Variants in HYCC1 observed in about 807,000 individuals in gnomAD.
HYCC1 encodes hyccin PI4KA lipid kinase complex subunit 1, also known as hyccin.
At chr7:22,950,386 C>T in the HYCC1 span, among the ~76,000 whole-genome samples, 1 of 151,960 alleles carries the variant, frequency 6.6e-6, no homozygotes, top group Non-Finnish European at 1.5e-5. Context: ...TTCATCTAGT[C>T]ACTACTATGT....
At chr7:22,898,367 C>T in the HYCC1 span, among the ~76,000 whole-genome samples, 1 of 151,920 alleles carries the variant, frequency 6.6e-6, no homozygotes, top group Non-Finnish European at 1.5e-5. Context: ...GCACACACCA[C>T]CACACCCAGC....
At chr7:22,934,195 CTCTT>C in the HYCC1 span, 1 of 136,838 alleles carries the variant, frequency 7.3e-6, no homozygotes. Flanking sequence ...AAGTTTCCGC[CTCTT>C]TTTTTTCTTT....
the HYCC1 span, among the ~76,000 whole-genome samples, chr7:23,010,222 G>A: frequency 5.3e-5 from 8 of 152,098 alleles, no homozygotes; most frequent in African/African-American, 1.9e-4. Context: ...TTGCTTCCAG[G>A]AATGTCTTCC....
chr7:22,943,709 A>G, the HYCC1 span: 1 of 152,636 alleles, frequency 6.6e-6, no homozygotes, highest in East Asian at 1.9e-4. Context: ...ATTCATTGTT[A>G]AAGAATGACA....
the HYCC1 span, among the ~76,000 whole-genome samples, chr7:22,993,406 T>C: frequency 6.6e-6 from 1 of 152,126 alleles, no homozygotes; most frequent in Non-Finnish European, 1.5e-5. Flanking sequence ...CTGGACTTCC[T>C]TGAAAGTAAG....
the HYCC1 span, among the ~76,000 whole-genome samples, chr7:22,981,857 T>C: frequency 2.6e-5 from 4 of 152,224 alleles, no homozygotes; most frequent in Non-Finnish European, 5.9e-5. Context: ...TACACATATT[T>C]GTCTGTGACA....
the HYCC1 span, among the ~76,000 whole-genome samples, chr7:22,954,593 TAAC>T: frequency 6.6e-6 from 1 of 151,522 alleles, no homozygotes; most frequent in Non-Finnish European, 1.5e-5. Flanking sequence ...AAAACTGCTT[TAAC>T]AACATGAAAC....
At chr7:22,926,105 C>T in the HYCC1 span, among the ~76,000 whole-genome samples, 17 of 151,234 alleles carry the variant, frequency 1.1e-4, no homozygotes, top group East Asian at 1.9e-4. Flanking sequence ...GAAGGAGAAA[C>T]AAAATACTTT....
the HYCC1 span, chr7:22,938,083 A>T: frequency 6.6e-6 from 1 of 152,230 alleles, no homozygotes; most frequent in African/African-American, 2.4e-5. Flanking sequence ...TGTCAACATA[A>T]CTTAGTTGTT....
the HYCC1 span, chr7:23,013,885 C>A: frequency 6.5e-6 from 3 of 458,648 alleles, no homozygotes; most frequent in South Asian, 4.7e-5. Context: ...CGTTGCCGGA[C>A]GCCCTGGGGG....
the HYCC1 span, chr7:22,936,633 CTG>C: frequency 6.6e-6 from 1 of 152,184 alleles, no homozygotes; most frequent in East Asian, 1.9e-4. Context: ...CTTATTACGT[CTG>C]TGTTTCCAAC....
the HYCC1 span, chr7:22,935,140 G>A: frequency 3.3e-5 from 5 of 152,124 alleles, no homozygotes; most frequent in African/African-American, 1.2e-4. Flanking sequence ...GTTCTTCAAT[G>A]GCTTCAAACA....
the HYCC1 span, among the ~76,000 whole-genome samples, chr7:22,993,774 A>G: frequency 6.6e-5 from 10 of 152,268 alleles, no homozygotes; most frequent in African/African-American, 2.4e-4. Context: ...AAAGATATGG[A>G]GCAATCAATA....
At chr7:22,946,923 T>C in the HYCC1 span, 1 of 1,523,562 alleles carries the variant, frequency 6.6e-7, no homozygotes, top group Non-Finnish European at 8.8e-7. Flanking sequence ...CTGCTTAACA[T>C]GCATCAGTGG....
At chr7:22,929,685 A>G in the HYCC1 span, among the ~76,000 whole-genome samples, 1 of 152,246 alleles carries the variant, frequency 6.6e-6, no homozygotes, top group East Asian at 1.9e-4. Flanking sequence ...TTAAAAAGTC[A>G]GGAAACAACA....
the HYCC1 span, among the ~76,000 whole-genome samples, chr7:22,996,742 C>G: frequency 6.6e-6 from 1 of 151,892 alleles, no homozygotes; most frequent in Non-Finnish European, 1.5e-5. Flanking sequence ...CTGTTTCTCT[C>G]TACCAGCAAG....
At chr7:22,973,899 C>T in the HYCC1 span, among the ~76,000 whole-genome samples, 2 of 152,140 alleles carry the variant, frequency 1.3e-5, no homozygotes, top group Non-Finnish European at 2.9e-5. Context: ...ACTTTTCCGT[C>T]AGTAGTTTCA....
chr7:22,927,805 A>C, the HYCC1 span, among the ~76,000 whole-genome samples: 1 of 152,252 alleles, frequency 6.6e-6, no homozygotes, highest in African/African-American at 2.4e-5. Context: ...AATCAAGAGA[A>C]AAAGAGAGAA....
chr7:22,932,777 C>G, the HYCC1 span, among the ~76,000 whole-genome samples: 5 of 152,216 alleles, frequency 3.3e-5, no homozygotes, highest in African/African-American at 1.2e-4. Flanking sequence ...ACAGGGACGA[C>G]TGTATGGGAT....
Sources: gnomAD v4.1 joint callset for allele counts (sites outside exome capture counted in the v4.1 genomes callset) on GRCh38, gnomAD v4.1.1 for gene constraint, MANE v1.5 for transcripts, NCBI Gene and HGNC (gene_info 2026-07-23, HGNC 2026-07-21) for gene names.